PAPPA2: variants seen among roughly 807,000 people sequenced by gnomAD.
The protein encoded by PAPPA2 is pappalysin-2.
Under a neutral mutation model 176.4 loss-of-function variants are expected in PAPPA2, and 86 were observed. The observed-to-expected ratio is 0.49, with a 90% CI of 0.41 to 0.58. The LOEUF is 0.58. Ranked by LOEUF, PAPPA2 falls within the 20% of genes least tolerant of loss-of-function variation. PAPPA2 has a pLI of 0.00. For missense variants in PAPPA2, 2,073 were observed against 2,256.9 expected (o/e 0.92, Z 1.65); for synonymous variants, 809 against 852.2 (o/e 0.95, Z 0.88).
intron 3 of PAPPA2, among the ~76,000 whole-genome samples, chr1:176,633,286 C>A (rs950857908): frequency 1.3e-5 from 2 of 152,058 alleles, no homozygotes; most frequent in African/African-American, 2.4e-5. Context: ...TCAAATGAAG[C>A]CAGCTCTGGA....
intron 3 of PAPPA2, among the ~76,000 whole-genome samples, chr1:176,619,859 A>G (rs985192292): frequency 5.1e-5 from 7 of 137,964 alleles, no homozygotes; most frequent in African/African-American, 1.7e-4. Context: ...GACTTAAAGT[A>G]ACTCAGTAAA....
At chr1:176,468,828 T>C (rs1651749351) in intron 1 of PAPPA2, among the ~76,000 whole-genome samples, 1 of 152,228 alleles carries the variant, frequency 6.6e-6, no homozygotes, top group Admixed American at 6.5e-5. Flanking sequence ...TTTCTCTTTG[T>C]TCTTTGGGAC....
intron 1 of PAPPA2, among the ~76,000 whole-genome samples, chr1:176,515,374 C>G (rs1433828286): frequency 6.6e-6 from 1 of 152,158 alleles, no homozygotes; most frequent in African/African-American, 2.4e-5. Flanking sequence ...AAAGGGCATT[C>G]TGGTTGGATG....
chr1:176,525,181 G>A (rs1572999219), intron 1 of PAPPA2, among the ~76,000 whole-genome samples: 1 of 152,270 alleles, frequency 6.6e-6, no homozygotes, highest in East Asian at 1.9e-4. Flanking sequence ...ACCCTAGTAC[G>A]GTTGCTGGCA....
chr1:176,766,826 G>GA lies in PAPPA2; in HGVS notation c.4323+996dup, dbSNP rs1219568989. On this transcript the variant is annotated intron_variant, in intron 15 of 22. Coordinates refer to ENST00000367662, the MANE Select transcript of PAPPA2 (RefSeq NM_020318.3). ...CAGGGAAGAGATGATGGTGCTCGAGGAAAAAAACAGAAAGATGTGGTCTCA... is the reference window on the plus strand; with the variant it reads ...CAGGGAAGAGATGATGGTGCTCGAGGAAAAAAAACAGAAAGATGTGGTCTCA... Among the ~76,000 whole-genome samples, 9 of 151,452 alleles carry GA rather than the reference G, an allele frequency of 5.9e-5. No individual in the cohort carries two copies. In the South Asian group the frequency reaches 8.3e-4, roughly 14 times the overall value.
intron 12 of PAPPA2, among the ~76,000 whole-genome samples, chr1:176,713,187 G>A (rs988434273): frequency 2.7e-5 from 4 of 149,252 alleles, no homozygotes; most frequent in Admixed American, 6.7e-5. Flanking sequence ...GCAGGGTCTC[G>A]CTCTGTTTTC....
At chr1:176,628,973 C>A (rs995192624) in intron 3 of PAPPA2, among the ~76,000 whole-genome samples, 3 of 152,188 alleles carry the variant, frequency 2.0e-5, no homozygotes, top group East Asian at 3.8e-4. Flanking sequence ...AAGGCCTTCA[C>A]CGGCAATGGA....
chr1:176,495,130 T>C (rs1647525709), intron 1 of PAPPA2, among the ~76,000 whole-genome samples: 1 of 152,186 alleles, frequency 6.6e-6, no homozygotes, highest in African/African-American at 2.4e-5. Context: ...AGGCAAGAGA[T>C]GATGATAATA....
intron 3 of PAPPA2, among the ~76,000 whole-genome samples, chr1:176,636,580 C>G (rs548313508): frequency 6.6e-6 from 1 of 152,042 alleles, no homozygotes; most frequent in African/African-American, 2.4e-5. Context: ...CTGACTCAAA[C>G]TTTTTTTTCC....
chr1:176,756,570 C>A (rs753341499), intron 14 of PAPPA2, among the ~76,000 whole-genome samples: 2 of 152,114 alleles, frequency 1.3e-5, no homozygotes, highest in Non-Finnish European at 1.5e-5. Context: ...CTTTGGTATT[C>A]CAGAGATTTT....
chr1:176,614,490 T>C (rs915794645), intron 3 of PAPPA2, among the ~76,000 whole-genome samples: 4 of 152,220 alleles, frequency 2.6e-5, no homozygotes, highest in East Asian at 1.9e-4. Context: ...ATCATGTTTC[T>C]TTCTTAATTT....
intron 4 of PAPPA2, among the ~76,000 whole-genome samples, chr1:176,676,136 G>A (rs1265216438): frequency 6.6e-6 from 1 of 152,064 alleles, no homozygotes; most frequent in Non-Finnish European, 1.5e-5. Flanking sequence ...TGGTGGGAAA[G>A]TGAAATGGCA....
At chr1:176,482,487 A>G (rs1370866961) in intron 1 of PAPPA2, among the ~76,000 whole-genome samples, 1 of 152,220 alleles carries the variant, frequency 6.6e-6, no homozygotes, top group African/African-American at 2.4e-5. Flanking sequence ...TTTGGTTGTA[A>G]GTGAAGATCA....
rs573235259 is a variant in PAPPA2, at chr1:176,734,813, T to TA, written c.3799-4811dup. Among the ~76,000 whole-genome samples the TA allele has an allele frequency of 3.2e-4, 48 of 152,306 alleles. No individual in the cohort carries two copies. In the South Asian group the frequency reaches 9.7e-3, roughly 31 times the overall value. Reference sequence around the variant, plus strand: ...GTTCAATCAATAGTGCAAGCATTCTTAATCTGATTTCTCTCAACCTCTAAT... The same window carrying TA: ...GTTCAATCAATAGTGCAAGCATTCTTAAATCTGATTTCTCTCAACCTCTAAT... On this transcript the variant is annotated intron_variant, in intron 12 of 22. Coordinates refer to ENST00000367662, the MANE Select transcript of PAPPA2 (RefSeq NM_020318.3).
At chr1:176,663,221 A>C (rs775480949) in intron 3 of PAPPA2, among the ~76,000 whole-genome samples, 6 of 152,094 alleles carry the variant, frequency 3.9e-5, no homozygotes, top group Non-Finnish European at 7.4e-5. Context: ...TTTCATTTCT[A>C]TTTTATTGTT....
chr1:176,512,329 A>G (rs1648658229), intron 1 of PAPPA2, among the ~76,000 whole-genome samples: 2 of 152,128 alleles, frequency 1.3e-5, no homozygotes, highest in Admixed American at 6.5e-5. Context: ...ACCAGTTTGG[A>G]AAAAAGTTTG....
Position 176,556,104 on chromosome 1 carries a change from A to C in PAPPA2, c.-219A>C. On this transcript the variant is annotated 5_prime_UTR_variant, in exon 2 of 23. The change abolishes an upstream ATG in the 5' untranslated region. Coordinates refer to ENST00000367662, the MANE Select transcript of PAPPA2 (RefSeq NM_020318.3). The stretch of plus-strand genomic sequence containing the variant: ...CAAGCGAGAAGCGTGCGGGAAGCAC[A>C]TGCCCTGGGGAGGCATAGAAGCCAC... 1 of 583,372 alleles carries C rather than the reference A, an allele frequency of 1.7e-6. No homozygotes were observed. Among genetic ancestry groups the C allele is most frequent in the Non-Finnish European group, 3.0e-6 (1 of 332,480 alleles). The allele number at this position is 583,372 out of a possible 1,614,324, so 36.1% of individuals were successfully genotyped here.
intron 1 of PAPPA2, among the ~76,000 whole-genome samples, chr1:176,481,088 TAA>T (rs1363128481): frequency 6.6e-6 from 1 of 152,040 alleles, no homozygotes; most frequent in Admixed American, 6.5e-5. Flanking sequence ...TTTCTGAAAA[TAA>T]GTTTGAACGT....
rs200808228 is a variant in PAPPA2 at position 176,510,810 on chromosome 1, T to TACACACACACACACAC, written c.-916-44573_-916-44558dup. ...ATATTTTAAAATTTAAAGCAACACATACACACACACACACACACACACACA... is the reference window on the plus strand; with the variant it reads ...ATATTTTAAAATTTAAAGCAACACATACACACACACACACACACACACACACACACACACACACACA... On this transcript the variant is annotated intron_variant, in intron 1 of 22. Transcript: ENST00000367662. Among the ~76,000 whole-genome samples, 368 of 126,552 alleles carry TACACACACACACACAC rather than the reference T, an allele frequency of 2.9e-3. 2 individuals carry two copies. Among genetic ancestry groups the TACACACACACACACAC allele is most frequent in the Middle Eastern group, 7.9e-3 (2 of 252 alleles). The allele number at this position is 126,552 out of a possible 152,430, so 83.0% of individuals were successfully genotyped here.
Sources: gnomAD v4.1 joint callset for allele counts (sites outside exome capture counted in the v4.1 genomes callset) on GRCh38, gnomAD v4.1.1 for gene constraint, MANE v1.5 for transcripts, NCBI Gene and HGNC (gene_info 2026-07-23, HGNC 2026-07-21) for gene names.